NPAS3: variants seen among roughly 807,000 people sequenced by gnomAD.
NPAS3 encodes neuronal PAS domain-containing protein 3.
In NPAS3, 14 loss-of-function variants were observed where a neutral mutation model predicts 73.1. The observed-to-expected ratio is 0.19, with a 90% CI of 0.13 to 0.30. The LOEUF (loss-of-function observed/expected upper bound fraction) is 0.30. Ranked by LOEUF, NPAS3 falls within the 10% of genes least tolerant of loss-of-function variation. The pLI, the probability that NPAS3 is intolerant of heterozygous loss-of-function variation, is 1.00. For missense variants in NPAS3, 1,096 were observed against 1,250.0 expected (o/e 0.88, Z 1.86); for synonymous variants, 620 against 541.5 (o/e 1.14, Z -2.01).
chr14:33,334,268 T>C (rs2044115491), intron 3 of NPAS3, among the ~76,000 whole-genome samples: 1 of 152,136 alleles, frequency 6.6e-6, no homozygotes, highest in Non-Finnish European at 1.5e-5. Flanking sequence ...ATTATAAGTG[T>C]ATGGTTAGAA....
chr14:33,379,021 G>A (rs138767396), intron 4 of NPAS3, among the ~76,000 whole-genome samples: 28 of 152,306 alleles, frequency 1.8e-4, no homozygotes, highest in African/African-American at 4.8e-4. Flanking sequence ...GTGACCTCAT[G>A]TAATGGGACA....
At chr14:33,781,589 T>C (rs2062980503) in intron 9 of NPAS3, among the ~76,000 whole-genome samples, 1 of 152,212 alleles carries the variant, frequency 6.6e-6, no homozygotes, top group Admixed American at 6.5e-5. Context: ...AAGAATAAGA[T>C]AGAATTCTAA....
intron 2 of NPAS3, among the ~76,000 whole-genome samples, chr14:33,169,605 G>A (rs1203193066): frequency 2.6e-5 from 4 of 152,142 alleles, no homozygotes; most frequent in Non-Finnish European, 5.9e-5. Flanking sequence ...TGAATAAAGT[G>A]TATAGTATTT....
At chr14:33,252,863 C>G (rs1419156524) in intron 3 of NPAS3, among the ~76,000 whole-genome samples, 1 of 151,924 alleles carries the variant, frequency 6.6e-6, no homozygotes, top group Non-Finnish European at 1.5e-5. Flanking sequence ...CATTGTTTGG[C>G]TCCTACTTAT....
chr14:33,002,855 T>C (rs1192776813), intron 1 of NPAS3, among the ~76,000 whole-genome samples: 1 of 152,148 alleles, frequency 6.6e-6, no homozygotes, highest in East Asian at 1.9e-4. Context: ...AGAGCTCTGA[T>C]TGCAGAGTTA....
chr14:33,753,347 T>C (rs1693247180), intron 7 of NPAS3, among the ~76,000 whole-genome samples: 1 of 133,646 alleles, frequency 7.5e-6, no homozygotes, highest in African/African-American at 3.6e-5. Context: ...AAGATGATTC[T>C]GTTAAATTGA....
intron 4 of NPAS3, among the ~76,000 whole-genome samples, chr14:33,387,949 A>G (rs1227372163): frequency 6.6e-6 from 1 of 152,222 alleles, no homozygotes; most frequent in Non-Finnish European, 1.5e-5. Context: ...AAGCTAAACT[A>G]GTCATGGTAG....
chr14:33,355,225 C>T (rs982246654), intron 3 of NPAS3, among the ~76,000 whole-genome samples: 1 of 152,216 alleles, frequency 6.6e-6, no homozygotes, highest in Non-Finnish European at 1.5e-5. Flanking sequence ...ATATCTAGCC[C>T]AGATGCTCTC....
At chr14:33,198,420 A>C (rs2046467070) in intron 2 of NPAS3, among the ~76,000 whole-genome samples, 1 of 152,154 alleles carries the variant, frequency 6.6e-6, no homozygotes, top group South Asian at 2.1e-4. Flanking sequence ...ACAATTCCTG[A>C]GCTAGACACA....
intron 1 of NPAS3, among the ~76,000 whole-genome samples, chr14:32,948,246 A>G (rs778702814): frequency 1.6e-4 from 25 of 152,156 alleles, no homozygotes; most frequent in Non-Finnish European, 2.5e-4. Context: ...AAATACTTAA[A>G]AAATTTATAT....
At chr14:33,472,343 T>G (rs2050823731) in intron 4 of NPAS3, among the ~76,000 whole-genome samples, 1 of 152,164 alleles carries the variant, frequency 6.6e-6, no homozygotes, top group Non-Finnish European at 1.5e-5. Context: ...CCTTGAAGAC[T>G]TTTTGTAAGG....
At chr14:33,731,287 C>T (rs1308056059) in intron 6 of NPAS3, among the ~76,000 whole-genome samples, 3 of 151,946 alleles carry the variant, frequency 2.0e-5, no homozygotes, top group East Asian at 1.9e-4. Flanking sequence ...GGTGTGGTGG[C>T]ACGCACTTGT....
At chr14:33,612,437 T>A in intron 5 of NPAS3, 1 of 456,072 alleles carries the variant, frequency 2.2e-6, no homozygotes, top group Non-Finnish European at 4.4e-6. Flanking sequence ...TCCAGTCACA[T>A]CGACGTCCAA....
intron 6 of NPAS3, among the ~76,000 whole-genome samples, chr14:33,692,386 A>G (rs2060258216): frequency 6.6e-6 from 1 of 152,184 alleles, no homozygotes; most frequent in South Asian, 2.1e-4. Flanking sequence ...CTTGACGTAT[A>G]TTAATTTTGG....
intron 7 of NPAS3, among the ~76,000 whole-genome samples, chr14:33,773,057 C>T (rs765197806): frequency 1.1e-4 from 17 of 152,040 alleles, no homozygotes; most frequent in Non-Finnish European, 2.2e-4. Flanking sequence ...AGTGTGGGCC[C>T]ACTATTGGAA....
intron 5 of NPAS3, among the ~76,000 whole-genome samples, chr14:33,646,817 C>T (rs1041854293): frequency 4.0e-5 from 6 of 151,432 alleles, no homozygotes; most frequent in African/African-American, 7.3e-5. Context: ...TCAGCACTCA[C>T]GAAGAGATTT....
At chr14:33,097,968 TAATTGTATCTGTAGAGGA>T (rs1485986256) in intron 2 of NPAS3, among the ~76,000 whole-genome samples, 1 of 152,214 alleles carries the variant, frequency 6.6e-6, no homozygotes, top group Non-Finnish European at 1.5e-5. Flanking sequence ...TTCACTCATT[TAATTGTATCTGTAGAGGA>T]AAAAAAACTC....
intron 4 of NPAS3, among the ~76,000 whole-genome samples, chr14:33,545,991 G>C (rs2054824924): frequency 2.0e-5 from 3 of 152,174 alleles, no homozygotes; most frequent in Non-Finnish European, 4.4e-5. Flanking sequence ...TAGTTCATCT[G>C]CCTGATGCAT....
In NPAS3 at chr14:33,226,668, C is replaced by T. The variant is rs1042630043; in HGVS notation, c.385+11242C>T. Among the ~76,000 whole-genome samples the T allele has an allele frequency of 2.0e-5, 3 of 152,194 alleles. No homozygotes were observed. In the East Asian group the frequency reaches 5.8e-4, roughly 29 times the overall value. ...GTCTTCTGCTGTTGCCCATTGGGAG[C>T]AGTCAGTCACCAGGTATTGGCTGAG... On this transcript the variant is annotated intron_variant, in intron 3 of 11. Coordinates refer to ENST00000356141, the Ensembl canonical transcript of NPAS3.
Sources: gnomAD v4.1 joint callset for allele counts (sites outside exome capture counted in the v4.1 genomes callset) on GRCh38, gnomAD v4.1.1 for gene constraint, MANE v1.5 for transcripts, NCBI Gene and HGNC (gene_info 2026-07-23, HGNC 2026-07-21) for gene names.